The following EFEMP1 variants were observed in gnomAD, a reference collection of about 807,000 sequenced individuals.
EFEMP1 encodes EGF-like fibulin extracellular matrix protein 1, also known as EGF-containing fibulin-like extracellular matrix protein 1.
A neutral mutation model predicts 65.7 loss-of-function variants in EFEMP1; 18 were observed. The ratio of observed to expected loss-of-function variants is 0.27; its 90% confidence interval spans 0.19 to 0.41. The LOEUF (loss-of-function observed/expected upper bound fraction) is 0.41, where lower values mean the gene tolerates loss of function less well. Ranked by LOEUF, EFEMP1 falls within the 10% of genes least tolerant of loss-of-function variation. The probability of loss-of-function intolerance (pLI) is 1.00; values close to 1 mark genes in which losing one functional copy is unlikely to be tolerated. For missense variants in EFEMP1, 469 were observed against 624.8 expected (o/e 0.75, Z 2.66); for synonymous variants, 237 against 219.7 (o/e 1.08, Z -0.70).
rs1224039176 is a variant in EFEMP1 at position 55,867,648 on chromosome 2, T to C, written c.1321-414A>G. Among the ~76,000 whole-genome samples the C allele has an allele frequency of 2.6e-5, 4 of 152,020 alleles. No homozygotes were observed. Among genetic ancestry groups the C allele is most frequent in the Admixed American group, 1.3e-4 (2 of 15,254 alleles). On this transcript the variant is annotated intron_variant, in intron 11 of 11. Coordinates refer to ENST00000355426, the MANE Select transcript of EFEMP1 (RefSeq NM_001039348.3). The surrounding 1 kb of genome is among the most constrained non-coding windows in gnomAD (Gnocchi z 4.3). ...TTACATTCTAGTAAGTAAAGAGAAA[T>C]GGAAACAGTTTTTCAACAGAATATG...
Position 55,923,071 on chromosome 2 carries a change from A to C in EFEMP1, c.-48-132T>G. ...CTTCTCACATGTCTCAGAGCTTCTC[A>C]CATCCCCCAGCACAAACTCTCAAAG... On this transcript the variant is annotated intron_variant, in intron 1 of 11. Transcript: ENST00000355426. The surrounding 1 kb of genome is among the most constrained non-coding windows in gnomAD (Gnocchi z 5.3). 43 of 546,036 alleles carry C rather than the reference A, an allele frequency of 7.9e-5. No individual in the cohort carries two copies. Among genetic ancestry groups the C allele is most frequent in the Middle Eastern group, 9.1e-4 (1 of 1,096 alleles). 33.8% of individuals were successfully genotyped at this position (546,036 alleles called of 1,614,324 possible). A position where few individuals can be genotyped will look rare whatever the true frequency, so the allele number is the denominator to read the frequency against.
intron 5 of EFEMP1, among the ~76,000 whole-genome samples, chr2:55,891,488 T>A (rs974372395): frequency 6.6e-6 from 1 of 152,110 alleles, no homozygotes; most frequent in African/African-American, 2.4e-5. Flanking sequence ...CACTCTAATA[T>A]AGAAAATTGT....
At chr2:55,904,050 C>T (rs956794073) in intron 5 of EFEMP1, among the ~76,000 whole-genome samples, 78 of 152,218 alleles carry the variant, frequency 5.1e-4, no homozygotes, top group Non-Finnish European at 7.4e-4. Flanking sequence ...GTTGTTTGCT[C>T]CGTTTTTGCT....
At chr2:55,880,312 CG>C (rs1669193428) in intron 6 of EFEMP1, among the ~76,000 whole-genome samples, 1 of 152,056 alleles carries the variant, frequency 6.6e-6, no homozygotes, top group South Asian at 2.1e-4. Context: ...GGGCTGTGAC[CG>C]TATGTTCCAT....
chr2:55,916,107 AT>A (rs576215544), intron 5 of EFEMP1, among the ~76,000 whole-genome samples: 1,666 of 129,404 alleles, frequency 0.013, 9 homozygotes, highest in African/African-American at 0.036. Context: ...AGTTTCCTTC[AT>A]TTTTTTTTTT....
chr2:55,877,783 A>G lies in EFEMP1; in HGVS notation c.723T>C (p.Pro241=), dbSNP rs750167724. 1.2e-6 allele frequency: 2 copies of G among 1,613,298 alleles called. No individual in the cohort carries two copies. Among genetic ancestry groups the G allele is most frequent in the South Asian group, 1.1e-5 (1 of 91,076 alleles). The part of the protein sequence containing the change: ...TPGSFYCQCS[P]GFQLAANNYT... ...AGTTGTTTGCTGCCAATTGAAACCCAGGACTGCACTGGCAATAAAATGAGC... is the reference window on the plus strand; with the variant it reads ...AGTTGTTTGCTGCCAATTGAAACCCGGGACTGCACTGGCAATAAAATGAGC... Residue 241 remains proline, a synonymous_variant, in exon 7 of 12, where the codon CCT becomes CCC. Transcript: ENST00000355426. The surrounding 1 kb of genome is among the most constrained non-coding windows in gnomAD (Gnocchi z 4.5).
intron 11 of EFEMP1, among the ~76,000 whole-genome samples, chr2:55,869,757 A>G (rs3791679): frequency 0.21 from 31,770 of 152,166 alleles, 4,619 homozygotes; most frequent in East Asian, 0.76. Context: ...AACTGGATGA[A>G]TAACATCATT....
At chr2:55,916,804 G>A (rs537821824) in intron 5 of EFEMP1, among the ~76,000 whole-genome samples, 112 of 152,310 alleles carry the variant, frequency 7.4e-4, no homozygotes, top group Non-Finnish European at 6.6e-4. Context: ...CAAGAAGAAA[G>A]GGAAACAATC....
At chr2:55,879,540 C>T (rs1205569273) in intron 6 of EFEMP1, among the ~76,000 whole-genome samples, 2 of 152,184 alleles carry the variant, frequency 1.3e-5, no homozygotes, top group African/African-American at 4.8e-5. Context: ...ATTCATTGAA[C>T]CATTCTTATT....
intron 5 of EFEMP1, among the ~76,000 whole-genome samples, chr2:55,905,044 A>T (rs1364580884): frequency 2.2e-5 from 3 of 139,228 alleles, no homozygotes; most frequent in Non-Finnish European, 4.6e-5. Flanking sequence ...ATTACCTATT[A>T]GAATAATTAC....
chr2:55,903,099 T>C (rs1055754299), intron 5 of EFEMP1, among the ~76,000 whole-genome samples: 4 of 152,214 alleles, frequency 2.6e-5, no homozygotes, highest in Admixed American at 1.3e-4. Flanking sequence ...AAGACCCAAA[T>C]GGGAACTTTT....
chr2:55,877,634 G>T lies in EFEMP1; in HGVS notation c.760+112C>A. On this transcript the variant is annotated intron_variant, in intron 7 of 11. Coordinates refer to ENST00000355426, the MANE Select transcript of EFEMP1 (RefSeq NM_001039348.3). The surrounding 1 kb of genome is among the most constrained non-coding windows in gnomAD (Gnocchi z 4.5). ...CTTTTAAGCTTTATGATTGCTGAAG[G>T]GAAGTCGATGGAAACTATTTACTCA... 1 of 1,482,494 alleles carries T rather than the reference G, an allele frequency of 6.7e-7. No homozygotes were observed. The highest frequency in any genetic ancestry group is 9.3e-7 in the Non-Finnish European group (1 of 1,069,598). 91.8% of individuals were successfully genotyped at this position (1,482,494 alleles called of 1,614,324 possible). A position where few individuals can be genotyped will look rare whatever the true frequency, so the allele number is the denominator to read the frequency against.
At chr2:55,912,001 T>C (rs1172097556) in intron 5 of EFEMP1, among the ~76,000 whole-genome samples, 1 of 152,226 alleles carries the variant, frequency 6.6e-6, no homozygotes, top group African/African-American at 2.4e-5. Flanking sequence ...ATCGGCTTAT[T>C]TGAAAAATAA....
Position 55,917,014 on chromosome 2 carries a change from G to A in EFEMP1, c.517+651C>T, listed in dbSNP as rs920963047. Reference sequence around the variant, plus strand: ...AACGTCGTCAAATGAGAGCTTAAAAGAGATATAAACGTGAGTGGGGGAGAA... The same window carrying A: ...AACGTCGTCAAATGAGAGCTTAAAAAAGATATAAACGTGAGTGGGGGAGAA... On this transcript the variant is annotated intron_variant, in intron 5 of 11. Transcript: ENST00000355426. This position sits in a 1 kb window ranked among gnomAD's most constrained non-coding sequence, Gnocchi z 6.3. 2.0e-5 allele frequency among the ~76,000 whole-genome samples: 3 copies of A among 152,194 alleles called. No individual in the cohort carries two copies. Among genetic ancestry groups the A allele is most frequent in the Non-Finnish European group, 4.4e-5 (3 of 68,032 alleles).
intron 5 of EFEMP1, among the ~76,000 whole-genome samples, chr2:55,913,227 A>T (rs1397977243): frequency 1.3e-5 from 2 of 152,214 alleles, no homozygotes; most frequent in Non-Finnish European, 2.9e-5. Flanking sequence ...TTTGCCTGGG[A>T]CAAAGGCATT....
chr2:55,879,776 T>C (rs1488814317), intron 6 of EFEMP1, among the ~76,000 whole-genome samples: 1 of 152,158 alleles, frequency 6.6e-6, no homozygotes, highest in Non-Finnish European at 1.5e-5. Context: ...AATGAATAAA[T>C]ACAGAAACTG....
At chr2:55,875,160 AATT>A in intron 8 of EFEMP1, 95 bp from the exon 9 acceptor site, 1 of 493,800 alleles carries the variant, frequency 2.0e-6, no homozygotes, top group Non-Finnish European at 2.9e-6. Flanking sequence ...TATATATATA[AATT>A]ATAAGATTTA....
rs1346992928 is a variant in EFEMP1 at position 55,873,928 on chromosome 2, A to T, written c.1000+1018T>A. Among the ~76,000 whole-genome samples, 1 of 151,874 alleles carries T rather than the reference A, an allele frequency of 6.6e-6. No homozygotes were observed. Among genetic ancestry groups the T allele is most frequent in the Non-Finnish European group, 1.5e-5 (1 of 67,962 alleles). On this transcript the variant is annotated intron_variant, in intron 9 of 11. Coordinates refer to ENST00000355426, the MANE Select transcript of EFEMP1 (RefSeq NM_001039348.3). The surrounding 1 kb of genome is among the most constrained non-coding windows in gnomAD (Gnocchi z 4.6). Reference sequence around the variant, plus strand: ...GCCTTCACTCCAACTCTGATTAAAAAGGACTCTCTACAGAAGACGTACTAC... The same window carrying T: ...GCCTTCACTCCAACTCTGATTAAAATGGACTCTCTACAGAAGACGTACTAC...
chr2:55,868,239 T>G (rs1341516953), intron 11 of EFEMP1, among the ~76,000 whole-genome samples: 1 of 152,236 alleles, frequency 6.6e-6, no homozygotes, highest in Non-Finnish European at 1.5e-5. Context: ...AGGTGTTGAT[T>G]GAATTAATTT....
Sources: gnomAD v4.1 joint callset for allele counts (sites outside exome capture counted in the v4.1 genomes callset) on GRCh38, gnomAD v4.1.1 for gene constraint, Gnocchi (gnomAD v3.1) non-coding constraint, MANE v1.5 for transcripts, NCBI Gene and HGNC (gene_info 2026-07-23, HGNC 2026-07-21) for gene names.